Variants in GSG1L observed in about 807,000 individuals in gnomAD.
GSG1L encodes GSG1 like.
A neutral mutation model predicts 42.1 loss-of-function variants in GSG1L; 24 were observed. The ratio of observed to expected loss-of-function variants is 0.57; its 90% CI spans 0.41 to 0.80. The LOEUF is 0.80. Among genes scored for constraint, GSG1L ranks in the 30% least tolerant of loss-of-function variants. The pLI, the probability that GSG1L is intolerant of heterozygous loss-of-function variation, is 0.00. For synonymous variants in GSG1L, 215 were observed against 203.5 expected (o/e 1.06, Z -0.48); for missense variants, 445 against 472.2 (o/e 0.94, Z 0.53).
At chr16:28,001,917 T>C (rs1370123755) in intron 1 of GSG1L, among the ~76,000 whole-genome samples, 1 of 152,168 alleles carries the variant, frequency 6.6e-6, no homozygotes, top group Non-Finnish European at 1.5e-5. Flanking sequence ...AGCCTATGTA[T>C]AGGCAAGAAT....
chr16:27,854,452 G>C lies in GSG1L; in HGVS notation c.551-9391C>G, dbSNP rs535091828. 2.7e-3 allele frequency among the ~76,000 whole-genome samples: 404 copies of C among 152,242 alleles called. 1 individual carries two copies. Among genetic ancestry groups the C allele is most frequent in the Non-Finnish European group, 3.6e-3 (246 of 68,002 alleles). ...AGCAGGGCTTCCCTAAAAGGCCGCC[G>C]GCCTCCACTTCAAGCCCTTTCCATT... On this transcript the variant is annotated intron_variant, in intron 3 of 6. Transcript: ENST00000447459.
intron 6 of GSG1L, among the ~76,000 whole-genome samples, chr16:27,799,282 T>G (rs1259078651): frequency 6.9e-6 from 1 of 145,382 alleles, no homozygotes; most frequent in Non-Finnish European, 1.5e-5. Context: ...GCCTGTAATC[T>G]CATCACTTTG....
chr16:27,913,900 T>G (rs2141055243), intron 2 of GSG1L, among the ~76,000 whole-genome samples: 1 of 152,262 alleles, frequency 6.6e-6, no homozygotes, highest in African/African-American at 2.4e-5. Flanking sequence ...GGAAAGAATT[T>G]GAAAAATATA....
chr16:27,889,387 A>T (rs2084096427), intron 2 of GSG1L, among the ~76,000 whole-genome samples: 1 of 152,218 alleles, frequency 6.6e-6, no homozygotes, highest in African/African-American at 2.4e-5. Context: ...GGAAATTAAT[A>T]ACAATAACGA....
chr16:27,975,972 C>T (rs1352350843), intron 1 of GSG1L, among the ~76,000 whole-genome samples: 1 of 152,178 alleles, frequency 6.6e-6, no homozygotes, highest in Non-Finnish European at 1.5e-5. Flanking sequence ...TTTCCTGGCT[C>T]TTCTAAATAA....
intron 1 of GSG1L, among the ~76,000 whole-genome samples, chr16:28,049,529 A>T (rs1045274626): frequency 6.6e-6 from 1 of 151,792 alleles, no homozygotes; most frequent in Admixed American, 6.6e-5. Context: ...AAAAAAAAAA[A>T]ATTAAAAATT....
intron 1 of GSG1L, among the ~76,000 whole-genome samples, chr16:27,999,444 C>T (rs2085557214): frequency 6.6e-6 from 1 of 152,130 alleles, no homozygotes; most frequent in Non-Finnish European, 1.5e-5. Context: ...CAAATTCTTT[C>T]TATTTTACCA....
chr16:27,828,709 TGGGGCCC>T, intron 5 of GSG1L, 73 bp downstream of exon 5: 2 of 1,400,524 alleles, frequency 1.4e-6, no homozygotes, highest in Non-Finnish European at 2.0e-6. Flanking sequence ...AGTTTTTGAC[TGGGGCCC>T]GGTGGCCACT....
At position 28,062,443 on chromosome 16, in the gene GSG1L, G is replaced by A. The variant is rs2086352657; in HGVS notation, c.349+633C>T. ...GTTCCCTAGCCTGCCTCTCCCAGGA[G>A]GGGGCCAGGATACAGAGGGCTCCCT... On this transcript the variant is annotated intron_variant, in intron 1 of 6. Coordinates refer to ENST00000447459, the MANE Select transcript of GSG1L (RefSeq NM_001109763.2). Among the ~76,000 whole-genome samples, 3 of 152,344 alleles carry A rather than the reference G, an allele frequency of 2.0e-5. No homozygotes were observed. In the South Asian group the frequency reaches 6.2e-4, roughly 32 times the overall value.
At chr16:27,946,610 AG>A (rs1567529891) in intron 2 of GSG1L, among the ~76,000 whole-genome samples, 945 of 9,928 alleles carry the variant, frequency 0.095, 49 homozygotes, top group African/African-American at 0.25. Context: ...AGAGAGAGAG[AG>A]AGAGAGAGAG....
At position 27,955,251 on chromosome 16, in the gene GSG1L, G is replaced by C. The variant is rs114932386; in HGVS notation, c.397+7905C>G. Among the ~76,000 whole-genome samples the C allele has an allele frequency of 6.5e-3, 986 of 151,896 alleles. 12 individuals are homozygous for C. Among genetic ancestry groups the C allele is most frequent in the African/African-American group, 0.023 (955 of 41,424 alleles). On this transcript the variant is annotated intron_variant, in intron 2 of 6. Coordinates refer to ENST00000447459, the MANE Select transcript of GSG1L (RefSeq NM_001109763.2). ...AAGATATTGTGTCCATAAAACAAAA[G>C]CAGGAGACTATTAAAAAAAAGAACA...
chr16:27,937,409 T>C (rs1006192687), intron 2 of GSG1L, among the ~76,000 whole-genome samples: 2 of 150,436 alleles, frequency 1.3e-5, no homozygotes, highest in African/African-American at 4.9e-5. Context: ...GCCCAGCTAA[T>C]TTTGTATTTT....
In GSG1L at chr16:27,888,432, CTTTCTTTCTTTCTTTCTTTCTT is replaced by C. The variant is rs2084059800; in HGVS notation, c.398-3816_398-3795del. On this transcript the variant is annotated intron_variant, in intron 2 of 6. Transcript: ENST00000447459. ...TCTTTCTTTCTTTCTTTCTTTCTTT[CTTTCTTTCTTTCTTTCTTTCTT>C]TCTTTCTTTCTCTCTCTCTCTCTCT... is the stretch of plus-strand genomic sequence containing the variant. Among the ~76,000 whole-genome samples, 2 of 21,776 alleles carry C rather than the reference CTTTCTTTCTTTCTTTCTTTCTT, an allele frequency of 9.2e-5. 1 individual carries two copies. Among genetic ancestry groups the C allele is most frequent in the Non-Finnish European group, 3.1e-4 (2 of 6,520 alleles). The allele number at this position is 21,776 out of a possible 152,430, so 14.3% of individuals were successfully genotyped here.
intron 1 of GSG1L, among the ~76,000 whole-genome samples, chr16:28,046,204 A>T (rs185684353): frequency 3.0e-4 from 46 of 152,170 alleles, no homozygotes; most frequent in Non-Finnish European, 6.3e-4. Flanking sequence ...AGCTGCCCTC[A>T]GGATATTGAG....
chr16:27,946,614 AGAGAGAGAGAGAGAG>A (rs2084869361), intron 2 of GSG1L, among the ~76,000 whole-genome samples: 2 of 15,144 alleles, frequency 1.3e-4, no homozygotes, highest in African/African-American at 2.5e-4. Context: ...AGAGAGAGAG[AGAGAGAGAGAGAGAG>A]AGAAAGAAAG....
intron 1 of GSG1L, among the ~76,000 whole-genome samples, chr16:27,993,531 C>T (rs1262466171): frequency 2.0e-5 from 3 of 152,148 alleles, no homozygotes; most frequent in Non-Finnish European, 4.4e-5. Flanking sequence ...CCAGGCTCAA[C>T]AGGCCCAAGG....
chr16:27,842,913 T>G (rs976767739), intron 4 of GSG1L, among the ~76,000 whole-genome samples: 2 of 151,792 alleles, frequency 1.3e-5, no homozygotes, highest in Non-Finnish European at 2.9e-5. Flanking sequence ...CCTTCAAAAT[T>G]CTTCCTGGGG....
chr16:28,055,584 G>C (rs1446575398), intron 1 of GSG1L, among the ~76,000 whole-genome samples: 1 of 151,748 alleles, frequency 6.6e-6, no homozygotes, highest in East Asian at 1.9e-4. Flanking sequence ...CAATTCTCCT[G>C]CCTCAGCCTC....
intron 5 of GSG1L, among the ~76,000 whole-genome samples, chr16:27,816,364 C>A (rs530273183): frequency 6.6e-6 from 1 of 152,154 alleles, no homozygotes; most frequent in African/African-American, 2.4e-5. Context: ...CTGCCCTTTG[C>A]CCCAGAAGAG....
Sources: allele counts gnomAD v4.1 joint callset (sites outside exome capture counted in the v4.1 genomes callset), GRCh38; gene constraint gnomAD v4.1.1; transcripts MANE v1.5; gene names NCBI Gene and HGNC (gene_info 2026-07-23, HGNC 2026-07-21).